SORCS2: variants seen among roughly 807,000 people sequenced by gnomAD.
The protein encoded by SORCS2 is VPS10 domain-containing receptor SorCS2.
SORCS2 carries 100 observed loss-of-function variants against 141.6 expected under a neutral mutation model. That is an observed-to-expected ratio of 0.71 (90% CI 0.60 to 0.83). SORCS2 has a LOEUF of 0.83. Among genes scored for constraint, SORCS2 ranks in the 40% least tolerant of loss-of-function variants. The pLI is 0.00. For missense variants in SORCS2, 1,646 were observed against 1,560.2 expected, an observed-to-expected ratio of 1.05 and a Z score of -0.93; for synonymous variants, 789 against 676.9, an observed-to-expected ratio of 1.17 and a Z score of -2.57.
At chr4:7,603,999 ACT>A (rs574360786) in intron 3 of SORCS2, among the ~76,000 whole-genome samples, 130 of 151,628 alleles carry the variant, frequency 8.6e-4, no homozygotes, top group African/African-American at 2.9e-3. Context: ...GTTGCGTGTG[ACT>A]CTGTTGTGTG....
chr4:7,516,755 C>A (rs183570939), intron 2 of SORCS2, among the ~76,000 whole-genome samples: 78 of 152,270 alleles, frequency 5.1e-4, no homozygotes, highest in African/African-American at 1.8e-3. Context: ...AGGAAGGGAG[C>A]CTCCCCTTCT....
chr4:7,382,843 C>G (rs1723071398), intron 1 of SORCS2, among the ~76,000 whole-genome samples: 1 of 152,150 alleles, frequency 6.6e-6, no homozygotes, highest in East Asian at 1.9e-4. Context: ...ACGCCTCCTG[C>G]TGGCACAGGG....
chr4:7,304,897 G>A (rs1717680215), intron 1 of SORCS2, among the ~76,000 whole-genome samples: 1 of 152,244 alleles, frequency 6.6e-6, no homozygotes, highest in African/African-American at 2.4e-5. Context: ...GGGCTGGGTT[G>A]TCCTGGGGGC....
intron 1 of SORCS2, among the ~76,000 whole-genome samples, chr4:7,365,864 C>T (rs987069554): frequency 1.3e-5 from 2 of 152,200 alleles, no homozygotes; most frequent in African/African-American, 4.8e-5. Flanking sequence ...CAGCCACCGC[C>T]ATCTGTCTTA....
intron 1 of SORCS2, among the ~76,000 whole-genome samples, chr4:7,369,686 A>T (rs886465836): frequency 3.9e-5 from 6 of 152,298 alleles, no homozygotes; most frequent in Non-Finnish European, 7.3e-5. Context: ...CCAGTGCATT[A>T]GTCCTGGAGG....
intron 2 of SORCS2, among the ~76,000 whole-genome samples, chr4:7,443,950 C>G (rs938012919): frequency 2.0e-5 from 3 of 152,248 alleles, no homozygotes; most frequent in Non-Finnish European, 2.9e-5. Context: ...ATGGGCCCCA[C>G]ATGTCCACCT....
chr4:7,689,461 G>C, intron 10 of SORCS2, 25 bp from the exon 11 acceptor site: 1 of 1,566,772 alleles, frequency 6.4e-7, no homozygotes, highest in South Asian at 1.2e-5. Context: ...TGTGTTGACA[G>C]TTGCGTCCTT....
chr4:7,310,251 A>G (rs990288827), intron 1 of SORCS2, among the ~76,000 whole-genome samples: 3 of 152,156 alleles, frequency 2.0e-5, no homozygotes, highest in Non-Finnish European at 1.5e-5. Flanking sequence ...TCATGGAGGT[A>G]GACACTATCA....
intron 3 of SORCS2, among the ~76,000 whole-genome samples, chr4:7,609,962 C>A (rs913474522): frequency 6.6e-6 from 1 of 152,204 alleles, no homozygotes; most frequent in African/African-American, 2.4e-5. Context: ...GGCAGTTGTG[C>A]TCGGGGCGGA....
At chr4:7,300,562 G>A (rs1000574464) in intron 1 of SORCS2, among the ~76,000 whole-genome samples, 7 of 152,186 alleles carry the variant, frequency 4.6e-5, no homozygotes, top group African/African-American at 1.2e-4. Flanking sequence ...ACGTGCACGC[G>A]TTGACACAGT....
chr4:7,334,954 G>A (rs180768441), intron 1 of SORCS2, among the ~76,000 whole-genome samples: 5 of 152,248 alleles, frequency 3.3e-5, no homozygotes, highest in South Asian at 2.1e-4. Context: ...ATTAGGAGAC[G>A]GGTGTGGAGG....
intron 8 of SORCS2, among the ~76,000 whole-genome samples, chr4:7,675,671 C>T (rs927164199): frequency 1.3e-5 from 2 of 152,144 alleles, no homozygotes; most frequent in Non-Finnish European, 2.9e-5. Context: ...GGGGCTCCAG[C>T]CCTCACCCCC....
intron 2 of SORCS2, among the ~76,000 whole-genome samples, chr4:7,421,919 G>GCTTGCAGGAGAGGGAGT (rs1726096501): frequency 6.6e-6 from 1 of 151,878 alleles, no homozygotes; most frequent in Non-Finnish European, 1.5e-5. Context: ...GCTGGGGCGG[G>GCTTGCAGGAGAGGGAGT]GCTGGGCATC....
intron 3 of SORCS2, among the ~76,000 whole-genome samples, chr4:7,551,026 C>T (rs916003339): frequency 3.9e-5 from 6 of 152,302 alleles, no homozygotes; most frequent in African/African-American, 1.4e-4. Flanking sequence ...ACCGCTAGTG[C>T]CTTGGCCTGA....
chr4:7,288,358 A>G (rs1716366532), intron 1 of SORCS2, among the ~76,000 whole-genome samples: 1 of 151,938 alleles, frequency 6.6e-6, no homozygotes, highest in Admixed American at 6.6e-5. Context: ...AGAGGCCCAT[A>G]GGGGAGTGAG....
intron 2 of SORCS2, among the ~76,000 whole-genome samples, chr4:7,418,691 C>T (rs144130256): frequency 6.1e-5 from 8 of 131,018 alleles, no homozygotes; most frequent in African/African-American, 1.5e-4. Context: ...GCTTTTGCTG[C>T]GTAACAAATG....
chr4:7,585,585 A>G (rs1716485110), intron 3 of SORCS2, among the ~76,000 whole-genome samples: 1 of 152,202 alleles, frequency 6.6e-6, no homozygotes, highest in African/African-American at 2.4e-5. Context: ...TGTAGAAACA[A>G]CTTATAGACT....
At chr4:7,422,952 A>C (rs1726183382) in intron 2 of SORCS2, among the ~76,000 whole-genome samples, 2 of 152,034 alleles carry the variant, frequency 1.3e-5, no homozygotes, top group South Asian at 4.2e-4. Flanking sequence ...CCAGATCTCT[A>C]AAGGCCCTAG....
At chr4:7,594,364 A>G (rs1427613255) in intron 3 of SORCS2, among the ~76,000 whole-genome samples, 1 of 152,242 alleles carries the variant, frequency 6.6e-6, no homozygotes, top group African/African-American at 2.4e-5. Context: ...TGGAAATTAC[A>G]GAATGGATGG....
Sources: allele counts gnomAD v4.1 joint callset (sites outside exome capture counted in the v4.1 genomes callset), GRCh38; gene constraint gnomAD v4.1.1; transcripts MANE v1.5; gene names NCBI Gene and HGNC (gene_info 2026-07-23, HGNC 2026-07-21).